SACM1L: variants seen among roughly 807,000 people sequenced by gnomAD.
SACM1L encodes SAC1 like phosphatidylinositide phosphatase.
Under a neutral mutation model 89.5 loss-of-function variants are expected in SACM1L, and 32 were observed. The observed-to-expected ratio is 0.36, with a 90% confidence interval of 0.27 to 0.48. SACM1L has a LOEUF of 0.48. Among genes scored for constraint, SACM1L ranks in the 20% least tolerant of loss-of-function variants. The pLI is 0.99. For synonymous variants in SACM1L, 213 were observed against 232.8 expected (o/e 0.92, Z 0.77); for missense variants, 543 against 708.5 (o/e 0.77, Z 2.65).
intron 4 of SACM1L, 66 bp downstream of exon 4, chr3:45,706,973 G>A (rs765668335): frequency 1.3e-6 from 2 of 1,501,522 alleles, no homozygotes; most frequent in Middle Eastern, 1.7e-4. Context: ...GGAGAGGAGG[G>A]TGAGGGTGTT....
Position 45,743,523 on chromosome 3 carries a change from A to G in SACM1L, c.1628-10A>G. The G allele has an allele frequency of 6.3e-7, 1 of 1,596,586 alleles. No individual in the cohort carries two copies. Among genetic ancestry groups the G allele is most frequent in the Non-Finnish European group, 8.5e-7 (1 of 1,174,304 alleles). ...GACTTATTTAGCTTTTTGTTTCTTA[A>G]TATCAACAGGTGACACTTGGACAGA... On this transcript the variant is annotated splice_polypyrimidine_tract_variant and intron_variant, in intron 19 of 19. Coordinates refer to ENST00000389061, the MANE Select transcript of SACM1L (RefSeq NM_014016.5).
intron 5 of SACM1L, among the ~76,000 whole-genome samples, chr3:45,712,459 T>C (rs1698551925): frequency 1.3e-5 from 2 of 152,158 alleles, no homozygotes; most frequent in African/African-American, 4.8e-5. Context: ...GGTCTCGAAC[T>C]CCTAAGTCTC....
At chr3:45,698,581 G>A (rs966071255) in intron 1 of SACM1L, among the ~76,000 whole-genome samples, 26 of 152,034 alleles carry the variant, frequency 1.7e-4, no homozygotes, top group Admixed American at 9.8e-4. Context: ...ACAAAGTCTC[G>A]CTCTTGTGCC....
chr3:45,731,224 C>T, intron 11 of SACM1L, 77 bp from the exon 12 acceptor site: 2 of 885,826 alleles, frequency 2.3e-6, no homozygotes, highest in Non-Finnish European at 3.5e-6. Flanking sequence ...CTTAGAGCTT[C>T]CTAGTTTGTC....
intron 5 of SACM1L, among the ~76,000 whole-genome samples, chr3:45,709,898 A>G (rs1210901273): frequency 2.0e-5 from 3 of 152,226 alleles, no homozygotes; most frequent in African/African-American, 7.2e-5. Context: ...ATAAACACAC[A>G]TGTAAGTTAT....
intron 14 of SACM1L, 116 bp from the exon 15 acceptor site, chr3:45,737,466 TG>T: frequency 1.0e-6 from 1 of 997,516 alleles, no homozygotes; most frequent in Non-Finnish European, 1.5e-6. Flanking sequence ...CAGACATTTC[TG>T]GCCTGCATCC....
chr3:45,705,349 T>G, intron 3 of SACM1L, 140 bp downstream of exon 3: 3 of 438,020 alleles, frequency 6.8e-6, no homozygotes, highest in Non-Finnish European at 1.2e-5. Flanking sequence ...TATTTATCAT[T>G]AATTTTTAAA....
chr3:45,699,407 G>A (rs1050044759), intron 1 of SACM1L, among the ~76,000 whole-genome samples: 2 of 151,366 alleles, frequency 1.3e-5, no homozygotes, highest in Non-Finnish European at 2.9e-5. Flanking sequence ...GCCTCATGGT[G>A]TATCATAATT....
intron 1 of SACM1L, among the ~76,000 whole-genome samples, chr3:45,702,240 T>A (rs1575387800): frequency 6.6e-6 from 1 of 152,304 alleles, no homozygotes; most frequent in South Asian, 2.1e-4. Flanking sequence ...CAAAAGTTTG[T>A]TTTGCTGCAG....
chr3:45,697,485 C>G (rs1698160633), intron 1 of SACM1L, among the ~76,000 whole-genome samples: 1 of 151,984 alleles, frequency 6.6e-6, no homozygotes, highest in South Asian at 2.1e-4. Flanking sequence ...CCATGTTGCC[C>G]AGGCTGGTCT....
At chr3:45,739,065 A>G (rs972870813) in intron 18 of SACM1L, among the ~76,000 whole-genome samples, 192 bp downstream of exon 18, 1 of 152,006 alleles carries the variant, frequency 6.6e-6, no homozygotes, top group Non-Finnish European at 1.5e-5. Flanking sequence ...TTTTCCTCAG[A>G]CTCTCACACA....
rs781218719 is a variant in SACM1L at position 45,694,492 on chromosome 3, T to TA, written c.32+4996dup. 2.0e-5 allele frequency among the ~76,000 whole-genome samples: 3 copies of TA among 152,312 alleles called. No homozygotes were observed. The East Asian group carries it at 5.8e-4, about 29-fold the overall frequency. ...CAGCTCAGATTATTCTCATGAGTTT[T>TA]AGCACAGACAATATGGGGTTTGTAT... is the stretch of plus-strand genomic sequence containing the variant. On this transcript the variant is annotated intron_variant, in intron 1 of 19. Coordinates refer to ENST00000389061, the MANE Select transcript of SACM1L (RefSeq NM_014016.5).
At chr3:45,709,758 C>A in intron 5 of SACM1L, 111 bp downstream of exon 5, 1 of 949,008 alleles carries the variant, frequency 1.1e-6, no homozygotes, top group South Asian at 1.8e-5. Context: ...ATCTTAGAAT[C>A]ATGTATGAGG....
At chr3:45,717,430 T>C (rs745427980) in intron 7 of SACM1L, among the ~76,000 whole-genome samples, 4 of 152,200 alleles carry the variant, frequency 2.6e-5, no homozygotes, top group Non-Finnish European at 5.9e-5. Flanking sequence ...ACTAAAAAGA[T>C]AGGAGAATGG....
In SACM1L at chr3:45,695,803, T is replaced by A. The variant is rs72884176; in HGVS notation, c.32+6306T>A. Among the ~76,000 whole-genome samples the A allele has an allele frequency of 9.6e-3, 1,459 of 152,222 alleles. 29 individuals are homozygous for A. The highest frequency in any genetic ancestry group is 0.032 in the African/African-American group (1,325 of 41,516). On this transcript the variant is annotated intron_variant, in intron 1 of 19. Transcript: ENST00000389061. ...GTTTTCATCTTGCAAAAATAAACTC[T>A]GTACCCATTAAACAACTCCCCATTT...
intron 13 of SACM1L, among the ~76,000 whole-genome samples, chr3:45,734,151 G>A (rs1386245811): frequency 1.6e-5 from 2 of 127,610 alleles, no homozygotes; most frequent in African/African-American, 6.2e-5. Flanking sequence ...TGTGGCTCAC[G>A]CCTGTAATCC....
chr3:45,703,953 G>A (rs750700849), intron 2 of SACM1L, among the ~76,000 whole-genome samples: 1 of 152,126 alleles, frequency 6.6e-6, no homozygotes, highest in East Asian at 1.9e-4. Flanking sequence ...TCATGACTAT[G>A]TGGAAATTTA....
chr3:45,727,164 C>T (rs1575405670), intron 11 of SACM1L, among the ~76,000 whole-genome samples: 1 of 21,786 alleles, frequency 4.6e-5, no homozygotes, highest in South Asian at 6.7e-4. Flanking sequence ...GGATTACAGG[C>T]GTGAGCCACC....
intron 3 of SACM1L, 44 bp downstream of exon 3, chr3:45,705,253 AGG>A: frequency 6.6e-6 from 8 of 1,218,760 alleles, no homozygotes; most frequent in African/African-American, 1.5e-5. Flanking sequence ...GTAATTAGCA[AGG>A]TAGTTAAATT....
Sources: allele counts gnomAD v4.1 joint callset (sites outside exome capture counted in the v4.1 genomes callset), GRCh38; gene constraint gnomAD v4.1.1; transcripts MANE v1.5; gene names NCBI Gene and HGNC (gene_info 2026-07-23, HGNC 2026-07-21).